Variants in CAB39 observed in about 807,000 individuals in gnomAD.
CAB39 encodes the protein calcium binding protein 39.
CAB39 carries 8 observed loss-of-function variants against 40.0 expected under a neutral mutation model. That is an observed-to-expected ratio of 0.20 (90% confidence interval 0.12 to 0.36). The LOEUF is 0.36. Ranked by LOEUF, CAB39 falls within the 10% of genes least tolerant of loss-of-function variation. CAB39 has a pLI of 1.00. For missense variants in CAB39, 270 were observed against 401.1 expected (o/e 0.67, Z 2.79); for synonymous variants, 156 against 141.6 (o/e 1.10, Z -0.72).
rs1695032955 is a variant in CAB39 at position 230,748,834 on chromosome 2, ATATATATATATAT to A, written c.-43-11124_-43-11112del. On this transcript the variant is annotated intron_variant, in intron 1 of 8. Coordinates refer to ENST00000258418, the MANE Select transcript of CAB39 (RefSeq NM_016289.4). Reference sequence around the variant, plus strand: ...AAAAGAAAAAAAAAAAAAAAAAAATATATATATATATATATATATATATATATATATATAACAA... The same window carrying A: ...AAAAGAAAAAAAAAAAAAAAAAAATAATATATATATATATATATATAACAA... Among the ~76,000 whole-genome samples, 27 of 53,932 alleles carry A rather than the reference ATATATATATATAT, an allele frequency of 5.0e-4. 2 individuals carry two copies. Among genetic ancestry groups the A allele is most frequent in the South Asian group, 2.7e-3 (5 of 1,842 alleles). The allele number at this position is 53,932 out of a possible 152,430, so 35.4% of individuals were successfully genotyped here. A position where few individuals can be genotyped will look rare whatever the true frequency, so the allele number is the denominator to read the frequency against.
intron 5 of CAB39, among the ~76,000 whole-genome samples, chr2:230,809,109 C>G (rs887053182): frequency 6.6e-6 from 1 of 152,176 alleles, no homozygotes; most frequent in Non-Finnish European, 1.5e-5. Flanking sequence ...TAGGTAACCA[C>G]GCAGTGGGGA....
intron 1 of CAB39, among the ~76,000 whole-genome samples, chr2:230,728,784 T>A (rs1400500475): frequency 6.6e-6 from 1 of 152,116 alleles, no homozygotes; most frequent in Non-Finnish European, 1.5e-5. Flanking sequence ...TATAATTTTT[T>A]AAATTTTTTG....
At chr2:230,774,326 TA>T (rs1695547599) in intron 2 of CAB39, among the ~76,000 whole-genome samples, 1 of 152,260 alleles carries the variant, frequency 6.6e-6, no homozygotes, top group African/African-American at 2.4e-5. Flanking sequence ...ATATGGTACA[TA>T]GTTACCACAT....
Position 230,753,618 on chromosome 2 carries a change from G to A in CAB39, c.-43-6341G>A, listed in dbSNP as rs183101720. Among the ~76,000 whole-genome samples the A allele has an allele frequency of 6.6e-4, 100 of 151,934 alleles. 1 individual carries two copies. In the East Asian group the frequency reaches 0.015, roughly 23 times the overall value. ...AAAAATTAGCCAGGCATGGTGGTACGTGCCTCTAGTCCCAGCTACTGGGGA... is the reference window on the plus strand; with the variant it reads ...AAAAATTAGCCAGGCATGGTGGTACATGCCTCTAGTCCCAGCTACTGGGGA... On this transcript the variant is annotated intron_variant, in intron 1 of 8. Coordinates refer to ENST00000258418, the MANE Select transcript of CAB39 (RefSeq NM_016289.4).
intron 1 of CAB39, among the ~76,000 whole-genome samples, chr2:230,714,727 AT>A (rs1222499491): frequency 6.6e-6 from 1 of 152,188 alleles, no homozygotes; most frequent in Non-Finnish European, 1.5e-5. Context: ...TTTATATTTT[AT>A]TTTATTATGA....
chr2:230,759,117 T>G (rs1695244856), intron 1 of CAB39, among the ~76,000 whole-genome samples: 1 of 152,218 alleles, frequency 6.6e-6, no homozygotes, highest in African/African-American at 2.4e-5. Context: ...GCGAGTTCTT[T>G]CATAGGAGAT....
chr2:230,817,882 C>T lies in CAB39; in HGVS notation c.822C>T (p.Ala274=), dbSNP rs149489470. The T allele has an allele frequency of 5.6e-6, 9 of 1,611,070 alleles. No homozygotes were observed. The highest frequency in any genetic ancestry group is 5.5e-5 in the South Asian group (5 of 90,644). Residue 274 remains alanine (A), a synonymous_variant, in exon 8 of 9, where the codon GCC becomes GCT. Transcript: ENST00000258418. ...AAAGTCGCAACATCCAGTTTGAGGC[C>T]TTTCACGTTTTTAAGGTAGAGTACT... ...RDKSRNIQFE[A]FHVFKVFVAN...
chr2:230,774,287 T>A (rs1352234837), intron 2 of CAB39, among the ~76,000 whole-genome samples: 2 of 152,216 alleles, frequency 1.3e-5, no homozygotes, highest in Non-Finnish European at 2.9e-5. Context: ...TTCCTTTATT[T>A]GTTATATGTT....
rs538245619 is a variant in CAB39, at chr2:230,820,007, T to C, written c.*1303T>C. The C allele has an allele frequency of 2.0e-5, 3 of 152,828 alleles. No individual in the cohort carries two copies. The highest frequency in any genetic ancestry group is 4.1e-4 in the South Asian group (2 of 4,830). 9.5% of individuals were successfully genotyped at this position (152,828 alleles called of 1,614,324 possible). A position where few individuals can be genotyped will look rare whatever the true frequency, so the allele number is the denominator to read the frequency against. ...GTGTCCTATGGGGAAATTTATTTTT[T>C]TTAATGTCCTGTTCCTTAATGCTGC... On this transcript the variant is annotated 3_prime_UTR_variant, in exon 9 of 9. Transcript: ENST00000258418.
chr2:230,757,838 G>A (rs1446841492), intron 1 of CAB39, among the ~76,000 whole-genome samples: 1 of 151,798 alleles, frequency 6.6e-6, no homozygotes, highest in Non-Finnish European at 1.5e-5. Context: ...CCACTCCCCT[G>A]CCCAAAGGAA....
Position 230,735,292 on chromosome 2 carries a change from G to T in CAB39, c.-44+22062G>T, listed in dbSNP as rs1471201609. ...AGCAATTCTCCTGCCTCAGCCTCCT[G>T]AGCAGCTGGGATTACAGGCACTTGC... On this transcript the variant is annotated intron_variant, in intron 1 of 8. Transcript: ENST00000258418. Among the ~76,000 whole-genome samples the T allele has an allele frequency of 7.3e-5, 11 of 150,570 alleles. No homozygotes were observed. In the East Asian group the frequency reaches 2.2e-3, roughly 30 times the overall value.
intron 2 of CAB39, among the ~76,000 whole-genome samples, chr2:230,783,668 T>G (rs1307449702): frequency 6.6e-6 from 1 of 151,146 alleles, no homozygotes; most frequent in African/African-American, 2.4e-5. Flanking sequence ...CCAGCTAATT[T>G]TTTGTATTTT....
At chr2:230,719,730 TTCAG>T (rs1364809558) in intron 1 of CAB39, among the ~76,000 whole-genome samples, 1 of 152,192 alleles carries the variant, frequency 6.6e-6, no homozygotes, top group African/African-American at 2.4e-5. Context: ...CTCTCTGGGC[TTCAG>T]TCATCCCATT....
intron 1 of CAB39, among the ~76,000 whole-genome samples, chr2:230,714,505 G>A (rs1253985811): frequency 6.6e-6 from 1 of 152,184 alleles, no homozygotes; most frequent in African/African-American, 2.4e-5. Flanking sequence ...GCACACAGAA[G>A]GTGTTTCTAT....
chr2:230,747,078 A>C (rs2466159), intron 1 of CAB39, among the ~76,000 whole-genome samples: 103,080 of 151,960 alleles, frequency 0.68, 36,194 homozygotes, highest in African/African-American at 0.87. Flanking sequence ...AGAGGCCTGG[A>C]GTGGTAGCTC....
At chr2:230,788,821 T>C (rs890827927) in intron 2 of CAB39, among the ~76,000 whole-genome samples, 5 of 152,166 alleles carry the variant, frequency 3.3e-5, no homozygotes, top group African/African-American at 1.2e-4. Flanking sequence ...CTGGCTACTT[T>C]TAAGATTCTT....
At chr2:230,736,928 A>C (rs1694797439) in intron 1 of CAB39, among the ~76,000 whole-genome samples, 1 of 152,176 alleles carries the variant, frequency 6.6e-6, no homozygotes, top group South Asian at 2.1e-4. Flanking sequence ...ATTAAAATTG[A>C]GTACCAGAGA....
At chr2:230,798,043 T>C (rs1211068427) in intron 4 of CAB39, among the ~76,000 whole-genome samples, 1 of 152,122 alleles carries the variant, frequency 6.6e-6, no homozygotes, top group African/African-American at 2.4e-5. Flanking sequence ...CTTGCTTGGC[T>C]GAGAGGTGTC....
chr2:230,762,208 G>A (rs1053347677), intron 2 of CAB39, among the ~76,000 whole-genome samples: 2 of 151,980 alleles, frequency 1.3e-5, no homozygotes, highest in African/African-American at 4.8e-5. Flanking sequence ...GTGCCCAGCT[G>A]GTAAGTGGTA....
Sources: allele counts gnomAD v4.1 joint callset (sites outside exome capture counted in the v4.1 genomes callset), GRCh38; gene constraint gnomAD v4.1.1; transcripts MANE v1.5; gene names NCBI Gene and HGNC (gene_info 2026-07-23, HGNC 2026-07-21).